Variants in TMEM163 observed in about 807,000 individuals in gnomAD.
TMEM163 encodes transmembrane protein 163.
Under a neutral mutation model 29.3 loss-of-function variants are expected in TMEM163, and 17 were observed. The observed-to-expected ratio is 0.58, with a 90% CI of 0.40 to 0.87. The LOEUF is 0.87. Ranked by LOEUF, TMEM163 falls within the 40% of genes least tolerant of loss-of-function variation. TMEM163 has a pLI of 0.00. For synonymous variants in TMEM163, 157 were observed against 160.6 expected (o/e 0.98, Z 0.17); for missense variants, 303 against 381.5 (o/e 0.79, Z 1.71).
intron 2 of TMEM163, among the ~76,000 whole-genome samples, chr2:134,704,896 G>C (rs939099705): frequency 6.6e-6 from 1 of 152,052 alleles, no homozygotes; most frequent in Non-Finnish European, 1.5e-5. Flanking sequence ...GTTACTGACT[G>C]AACTGTGTGT....
At chr2:134,673,230 G>C (rs78174304) in intron 2 of TMEM163, among the ~76,000 whole-genome samples, 8 of 152,020 alleles carry the variant, frequency 5.3e-5, no homozygotes, top group Non-Finnish European at 1.2e-4. Flanking sequence ...ATATAGTCCC[G>C]TTTCATGAGC....
At chr2:134,704,102 TCCA>T (rs1319008843) in intron 2 of TMEM163, among the ~76,000 whole-genome samples, 2 of 152,088 alleles carry the variant, frequency 1.3e-5, no homozygotes, top group African/African-American at 4.8e-5. Context: ...TGGGGCTGCC[TCCA>T]TGGGACACCT....
chr2:134,662,181 C>T (rs958648230), intron 2 of TMEM163, among the ~76,000 whole-genome samples: 3 of 151,998 alleles, frequency 2.0e-5, no homozygotes, highest in African/African-American at 7.3e-5. Flanking sequence ...GTGATCCGCC[C>T]GCCTCAGCCT....
intron 4 of TMEM163, among the ~76,000 whole-genome samples, chr2:134,515,369 G>A (rs1441848781): frequency 1.3e-5 from 2 of 152,102 alleles, no homozygotes; most frequent in African/African-American, 4.8e-5. Context: ...CTGAACACAG[G>A]CTTCTCAGCA....
At chr2:134,635,460 G>C (rs1400187158) in intron 2 of TMEM163, among the ~76,000 whole-genome samples, 1 of 151,972 alleles carries the variant, frequency 6.6e-6, no homozygotes, top group African/African-American at 2.4e-5. Context: ...TACCATTTGA[G>C]GTATCTCAGA....
chr2:134,519,246 A>G (rs1367721303), intron 4 of TMEM163, among the ~76,000 whole-genome samples: 1 of 152,204 alleles, frequency 6.6e-6, no homozygotes, highest in East Asian at 1.9e-4. Context: ...CCCTCCTTCA[A>G]ATCACTACAT....
At chr2:134,516,703 TCATATATA>T (rs1270669900) in intron 4 of TMEM163, among the ~76,000 whole-genome samples, 98 of 107,214 alleles carry the variant, frequency 9.1e-4, no homozygotes, top group Admixed American at 2.4e-3. Context: ...ATGCATATAT[TCATATATA>T]CATATATATT....
chr2:134,623,005 A>G (rs1558968062), intron 2 of TMEM163, among the ~76,000 whole-genome samples: 1 of 151,402 alleles, frequency 6.6e-6, no homozygotes, highest in Non-Finnish European at 1.5e-5. Context: ...AGGAAAAAAG[A>G]GGAGGGCAAA....
chr2:134,539,500 G>A (rs1300337232), intron 4 of TMEM163, among the ~76,000 whole-genome samples: 1 of 152,162 alleles, frequency 6.6e-6, no homozygotes, highest in Non-Finnish European at 1.5e-5. Context: ...TTTAGTCTTT[G>A]TTCTCACACT....
intron 2 of TMEM163, among the ~76,000 whole-genome samples, chr2:134,668,310 G>GTCAC (rs1558985128): frequency 6.6e-6 from 1 of 152,088 alleles, no homozygotes. Context: ...TCTCTCCAAG[G>GTCAC]TCACTAGACC....
chr2:134,510,846 A>C (rs1274600718), intron 4 of TMEM163, among the ~76,000 whole-genome samples: 1 of 152,094 alleles, frequency 6.6e-6, no homozygotes, highest in Non-Finnish European at 1.5e-5. Flanking sequence ...CAGGTTTCAC[A>C]TTTCAGGGTG....
intron 4 of TMEM163, among the ~76,000 whole-genome samples, chr2:134,511,612 CG>C (rs1415288477): frequency 1.3e-5 from 2 of 152,204 alleles, no homozygotes; most frequent in Non-Finnish European, 2.9e-5. Flanking sequence ...GCAGGGAACA[CG>C]GGTCCTACAG....
intron 2 of TMEM163, among the ~76,000 whole-genome samples, chr2:134,622,779 T>G (rs866190156): frequency 6.6e-6 from 1 of 152,310 alleles, no homozygotes; most frequent in Middle Eastern, 3.4e-3. Context: ...TTTTTCTTTT[T>G]GAGACGAAGT....
intron 1 of TMEM163, chr2:134,713,598 T>C (rs1684974809): frequency 3.5e-6 from 2 of 566,846 alleles, no homozygotes; most frequent in African/African-American, 1.9e-5. Context: ...CCACCACTCC[T>C]TGACATACCA....
intron 4 of TMEM163, among the ~76,000 whole-genome samples, chr2:134,549,998 G>A (rs1319251281): frequency 6.6e-6 from 1 of 152,144 alleles, no homozygotes; most frequent in African/African-American, 2.4e-5. Context: ...TCTGATTACG[G>A]AACCTGTGTC....
At chr2:134,648,868 C>G (rs1683400059) in intron 2 of TMEM163, among the ~76,000 whole-genome samples, 1 of 152,146 alleles carries the variant, frequency 6.6e-6, no homozygotes, top group African/African-American at 2.4e-5. Context: ...TGATTCGCTT[C>G]AACCAGAAGT....
At chr2:134,504,786 G>C (rs1679783487) in intron 4 of TMEM163, among the ~76,000 whole-genome samples, 1 of 152,224 alleles carries the variant, frequency 6.6e-6, no homozygotes, top group African/African-American at 2.4e-5. Context: ...GTGTGTGACA[G>C]TGCGCCTGGG....
chr2:134,632,477 CA>C (rs1682988162), intron 2 of TMEM163, among the ~76,000 whole-genome samples: 1 of 152,242 alleles, frequency 6.6e-6, no homozygotes, highest in African/African-American at 2.4e-5. Context: ...GCTGCTATAA[CA>C]AAATACCTTA....
At chr2:134,624,518 G>A (rs1297837605) in intron 2 of TMEM163, among the ~76,000 whole-genome samples, 3 of 152,152 alleles carry the variant, frequency 2.0e-5, no homozygotes, top group Non-Finnish European at 4.4e-5. Context: ...CTTAATACCT[G>A]GGTGATGAAA....
Sources: allele counts gnomAD v4.1 joint callset (sites outside exome capture counted in the v4.1 genomes callset), GRCh38; gene constraint gnomAD v4.1.1; transcripts MANE v1.5; gene names NCBI Gene and HGNC (gene_info 2026-07-23, HGNC 2026-07-21).